GABRG2: variants seen among roughly 807,000 people sequenced by gnomAD.
The protein encoded by GABRG2 is gamma-aminobutyric acid receptor subunit gamma-2.
A neutral mutation model predicts 56.4 loss-of-function variants in GABRG2; 16 were observed. The ratio of observed to expected loss-of-function variants is 0.28; its 90% confidence interval spans 0.19 to 0.43. GABRG2 has a LOEUF of 0.43. Ranked by LOEUF, GABRG2 falls within the 20% of genes least tolerant of loss-of-function variation. The pLI, the probability that GABRG2 is intolerant of heterozygous loss-of-function variation, is 1.00. For synonymous variants in GABRG2, 208 were observed against 205.5 expected (o/e 1.01, Z -0.10); for missense variants, 327 against 582.7 (o/e 0.56, Z 4.52).
chr5:162,151,590 T>C, intron 8 of GABRG2, 140 bp from the exon 9 acceptor site: 1 of 719,282 alleles, frequency 1.4e-6, no homozygotes, highest in Non-Finnish European at 2.3e-6. Flanking sequence ...TCCTTCTGTG[T>C]TTATAATTTC....
chr5:162,147,313 C>G (rs999009625), intron 7 of GABRG2, among the ~76,000 whole-genome samples: 3 of 145,802 alleles, frequency 2.1e-5, no homozygotes, highest in African/African-American at 7.6e-5. Flanking sequence ...CTTTTTCCTT[C>G]CTTCCTTCCT....
intron 7 of GABRG2, among the ~76,000 whole-genome samples, chr5:162,146,988 A>C (rs960069311): frequency 2.0e-5 from 3 of 152,210 alleles, no homozygotes; most frequent in Non-Finnish European, 4.4e-5. Flanking sequence ...ACTTGAACTG[A>C]TTAGGGAGAC....
At chr5:162,081,098 G>A (rs1173858918) in intron 1 of GABRG2, among the ~76,000 whole-genome samples, 1 of 151,874 alleles carries the variant, frequency 6.6e-6, no homozygotes, top group Non-Finnish European at 1.5e-5. Flanking sequence ...ATTTGTTATT[G>A]AACTTAATCT....
intron 6 of GABRG2, among the ~76,000 whole-genome samples, chr5:162,141,810 A>G (rs543883138): frequency 1.3e-5 from 2 of 152,324 alleles, no homozygotes; most frequent in East Asian, 3.9e-4. Context: ...TGCAGACAAG[A>G]TACGCACAAT....
intron 1 of GABRG2, among the ~76,000 whole-genome samples, chr5:162,074,503 C>CTTT: frequency 6.6e-6 from 1 of 151,812 alleles, no homozygotes; most frequent in Non-Finnish European, 1.5e-5. Context: ...TGTGTATTTG[C>CTTT]TTAAATACAT....
intron 6 of GABRG2, among the ~76,000 whole-genome samples, chr5:162,122,437 T>G (rs1763036492): frequency 6.6e-6 from 1 of 151,750 alleles, no homozygotes; most frequent in African/African-American, 2.4e-5. Flanking sequence ...ATTTAAAAAA[T>G]TAAATGATTA....
rs971345165 is a variant in GABRG2, at chr5:162,143,729, A to G, written c.922+1413A>G. 2.0e-5 allele frequency among the ~76,000 whole-genome samples: 3 copies of G among 152,202 alleles called. No homozygotes were observed. In the South Asian group the frequency reaches 6.2e-4, roughly 31 times the overall value. On this transcript the variant is annotated intron_variant, in intron 7 of 9. Transcript: ENST00000639213. The stretch of plus-strand genomic sequence containing the variant: ...AATCTCTAATTCACAGTTTCCTCAT[A>G]TATAAAACATGTATAATTTCCTGTA...
intron 8 of GABRG2, chr5:162,150,713 T>G (rs940157569): frequency 5.3e-5 from 8 of 152,222 alleles, no homozygotes; most frequent in Admixed American, 3.9e-4. Flanking sequence ...TAGGTTGTAT[T>G]CTGATGCAGC....
At chr5:162,070,510 C>A (rs1758586533) in intron 1 of GABRG2, among the ~76,000 whole-genome samples, 1 of 151,546 alleles carries the variant, frequency 6.6e-6, no homozygotes, top group Non-Finnish European at 1.5e-5. Flanking sequence ...ACAGTAGTAG[C>A]AGAACCACCT....
At chr5:162,112,056 CAAGTT>C (rs1199171143) in intron 6 of GABRG2, among the ~76,000 whole-genome samples, 2 of 151,980 alleles carry the variant, frequency 1.3e-5, no homozygotes, top group Non-Finnish European at 2.9e-5. Flanking sequence ...TTACTACTCA[CAAGTT>C]AAGTGGATCT....
intron 1 of GABRG2, among the ~76,000 whole-genome samples, chr5:162,084,970 A>G (rs575825069): frequency 8.6e-5 from 13 of 151,812 alleles, no homozygotes; most frequent in Admixed American, 4.0e-4. Context: ...TAAAAAAAAA[A>G]TGCTGCATGA....
rs186225595 is a variant in GABRG2, at chr5:162,141,436, T to C, written c.770-728T>C. ...CAAAGGCATTAATTCATTTGCACGA[T>C]TACTTGACAAATGTTACTGAATGCC... On this transcript the variant is annotated intron_variant, in intron 6 of 9. Transcript: ENST00000639213. Among the ~76,000 whole-genome samples the C allele has an allele frequency of 6.1e-4, 93 of 152,346 alleles. 1 individual carries two copies. The highest frequency in any genetic ancestry group is 2.1e-3 in the African/African-American group (89 of 41,586).
At chr5:162,128,942 G>T (rs569745589) in intron 6 of GABRG2, among the ~76,000 whole-genome samples, 3 of 152,034 alleles carry the variant, frequency 2.0e-5, no homozygotes, top group East Asian at 1.9e-4. Context: ...TCTCTGAGTC[G>T]CAGTTACAGC....
intron 4 of GABRG2, chr5:162,099,079 A>T (rs1271733827): frequency 6.6e-6 from 1 of 152,140 alleles, no homozygotes; most frequent in African/African-American, 2.4e-5. Context: ...TCTTCATATC[A>T]AATGATTCAT....
At chr5:162,119,754 A>G (rs1199085227) in intron 6 of GABRG2, among the ~76,000 whole-genome samples, 12 of 152,174 alleles carry the variant, frequency 7.9e-5, no homozygotes, top group African/African-American at 2.9e-4. Flanking sequence ...CTTCAATAGC[A>G]TGTCATTCCC....
intron 9 of GABRG2, chr5:162,152,028 T>A (rs1765410710): frequency 2.8e-6 from 1 of 351,816 alleles, no homozygotes; most frequent in African/African-American, 2.1e-5. Context: ...AAAATGAGCT[T>A]CCTCTTTTCA....
intron 6 of GABRG2, among the ~76,000 whole-genome samples, chr5:162,130,384 T>G (rs1158530854): frequency 6.6e-6 from 1 of 151,924 alleles, no homozygotes; most frequent in Non-Finnish European, 1.5e-5. Flanking sequence ...AACAATTATT[T>G]TTTTTCTAGC....
chr5:162,149,625 A>AT (rs969956662), intron 8 of GABRG2: 6 of 688,064 alleles, frequency 8.7e-6, no homozygotes, highest in African/African-American at 3.5e-5. Flanking sequence ...GGTTTCACTG[A>AT]TTTTTTGAGA....
intron 1 of GABRG2, among the ~76,000 whole-genome samples, chr5:162,070,359 A>G (rs1371673700): frequency 6.6e-6 from 1 of 152,070 alleles, no homozygotes; most frequent in Non-Finnish European, 1.5e-5. Flanking sequence ...AGTCATTTGA[A>G]TTGTTGAGTA....
Sources: gnomAD v4.1 joint callset for allele counts (sites outside exome capture counted in the v4.1 genomes callset) on GRCh38, gnomAD v4.1.1 for gene constraint, MANE v1.5 for transcripts, NCBI Gene and HGNC (gene_info 2026-07-23, HGNC 2026-07-21) for gene names.